The following SCRN3 variants were observed in gnomAD, a reference collection of about 807,000 sequenced individuals.
The protein encoded by SCRN3 is secernin-3.
Under a neutral mutation model 43.1 loss-of-function variants are expected in SCRN3, and 39 were observed. That is an observed-to-expected ratio of 0.91 (90% confidence interval 0.70 to 1.18). SCRN3 has a LOEUF of 1.18. SCRN3 is among the 50% of genes most tolerant of loss of function. The probability of loss-of-function intolerance (pLI) is 0.00; values close to 1 mark genes in which losing one functional copy is unlikely to be tolerated. For synonymous variants in SCRN3, 147 were observed against 163.1 expected, an observed-to-expected ratio of 0.90 and a Z score of 0.75; for missense variants, 484 against 498.0, an observed-to-expected ratio of 0.97 and a Z score of 0.27.
At chr2:174,411,901 T>G (rs13033544) in intron 5 of SCRN3, among the ~76,000 whole-genome samples, 31,148 of 152,130 alleles carry the variant, frequency 0.2, 3,557 homozygotes, top group Middle Eastern at 0.37. Context: ...AGCCTGGGTG[T>G]CAGAGCCAGG....
intron 1 of SCRN3, 48 bp downstream of exon 1, chr2:174,395,865 C>A (rs1190484319): frequency 4.8e-6 from 7 of 1,453,882 alleles, no homozygotes; most frequent in Non-Finnish European, 5.4e-6. Context: ...AGACAGAAAC[C>A]CGGAAGACCC....
At chr2:174,396,138 C>T in intron 1 of SCRN3, 1 of 917,166 alleles carries the variant, frequency 1.1e-6, no homozygotes, top group Non-Finnish European at 1.4e-6. Context: ...TATGATGTTT[C>T]TGAAAGCGCC....
intron 3 of SCRN3, among the ~76,000 whole-genome samples, chr2:174,400,758 C>T (rs1685480674): frequency 6.6e-6 from 1 of 152,130 alleles, no homozygotes; most frequent in Non-Finnish European, 1.5e-5. Flanking sequence ...GATAAAGTAA[C>T]TTGACAGTGA....
At position 174,403,085 on chromosome 2, in the gene SCRN3, T is replaced by TA. The variant is rs35095233; in HGVS notation, c.542-1005dup. 2.2e-3 allele frequency among the ~76,000 whole-genome samples: 222 copies of TA among 103,108 alleles called. 2 individuals carry two copies. In the Middle Eastern group the frequency reaches 0.037, roughly 17 times the overall value. The allele number at this position is 103,108 out of a possible 152,430, so 67.6% of individuals were successfully genotyped here. On this transcript the variant is annotated intron_variant, in intron 4 of 7. Transcript: ENST00000272732. ...ATAAAGAGCAGTCAAAACTCAGTAG[T>TA]AAAAAAAAAAAAATCCAGTTAGAAA...
At chr2:174,421,227 T>C (rs1320563515) in intron 5 of SCRN3, among the ~76,000 whole-genome samples, 1 of 152,128 alleles carries the variant, frequency 6.6e-6, no homozygotes, top group African/African-American at 2.4e-5. Context: ...GTGAAAAATA[T>C]CCTCTAAAAA....
At chr2:174,406,524 C>T (rs1177314718) in intron 5 of SCRN3, among the ~76,000 whole-genome samples, 1 of 149,588 alleles carries the variant, frequency 6.7e-6, no homozygotes, top group Non-Finnish European at 1.5e-5. Context: ...AGAGGGCATC[C>T]CTGTCTTGTG....
chr2:174,427,865 GTCAAATTTATC>G lies in SCRN3; in HGVS notation c.1246_1256del (p.Asn417GlnfsTer3). The G allele has an allele frequency of 3.8e-6, 3 of 787,694 alleles. No homozygotes were observed. Among genetic ancestry groups the G allele is most frequent in the Non-Finnish European group, 5.6e-6 (3 of 539,992 alleles). 48.8% of individuals were successfully genotyped at this position (787,694 alleles called of 1,614,324 possible). ...CAAAAGATGAAATTCAAATTTATCA[GTCAAATTTATC>G]AGTCAAAGTTAGTTCTTAGTGATCA... is the stretch of plus-strand genomic sequence containing the variant. On this transcript the variant is annotated frameshift_variant, in exon 8 of 8. Coordinates refer to ENST00000272732, the MANE Select transcript of SCRN3 (RefSeq NM_024583.5). LOFTEE classifies it high-confidence loss of function.
intron 1 of SCRN3, chr2:174,397,276 G>GT (rs1476656586): frequency 1.0e-6 from 1 of 984,592 alleles, no homozygotes; most frequent in African/African-American, 1.8e-5. Flanking sequence ...CCATTTTAAG[G>GT]TTTTGCCATT....
Position 174,404,100 on chromosome 2 carries a change from T to C in SCRN3, c.542-3T>C. On this transcript the variant is annotated splice_region_variant and splice_polypyrimidine_tract_variant and intron_variant, in intron 4 of 7. Transcript: ENST00000272732. ...CCTTTCTCCTCTTCTTCTTTGAAAATAGAGGGAGTTCGTAATATTTCTAAT... is the reference window on the plus strand; with the variant it reads ...CCTTTCTCCTCTTCTTCTTTGAAAACAGAGGGAGTTCGTAATATTTCTAAT... 6.2e-7 allele frequency: 1 copy of C among 1,608,580 alleles called. No homozygotes were observed. The highest frequency in any genetic ancestry group is 1.1e-5 in the South Asian group (1 of 90,924).
At chr2:174,414,800 G>T (rs1319306778) in intron 5 of SCRN3, among the ~76,000 whole-genome samples, 14 of 122,872 alleles carry the variant, frequency 1.1e-4, no homozygotes, top group African/African-American at 4.1e-4. Context: ...GTCTTGCTGT[G>T]TCCCCCAGGC....
At chr2:174,424,968 C>T (rs1158037855) in intron 7 of SCRN3, among the ~76,000 whole-genome samples, 1 of 152,024 alleles carries the variant, frequency 6.6e-6, no homozygotes, top group East Asian at 1.9e-4. Flanking sequence ...ATTTTGATTC[C>T]CACTTTGCTG....
chr2:174,401,241 C>A (rs747881282), intron 4 of SCRN3, 52 bp downstream of exon 4: 5 of 1,358,792 alleles, frequency 3.7e-6, no homozygotes, highest in Admixed American at 1.7e-5. Flanking sequence ...ATAAAATACA[C>A]CCTTACCTAT....
chr2:174,420,044 C>T (rs1219420783), intron 5 of SCRN3, among the ~76,000 whole-genome samples: 1 of 152,112 alleles, frequency 6.6e-6, no homozygotes, highest in East Asian at 1.9e-4. Flanking sequence ...ATTGAGAAGA[C>T]CTTGACTTTC....
chr2:174,405,606 C>A (rs1685666710), intron 5 of SCRN3, among the ~76,000 whole-genome samples: 1 of 141,876 alleles, frequency 7.0e-6, no homozygotes, highest in South Asian at 2.2e-4. Context: ...AAGTTTAAGT[C>A]TTTAATCCAT....
chr2:174,396,114 C>A (rs1397160126), intron 1 of SCRN3: 2 of 998,744 alleles, frequency 2.0e-6, no homozygotes, highest in Non-Finnish European at 2.6e-6. Context: ...AGTATGCTTG[C>A]GAGAATCCAA....
intron 5 of SCRN3, among the ~76,000 whole-genome samples, chr2:174,404,641 A>G (rs1685629496): frequency 8.7e-6 from 1 of 115,372 alleles, no homozygotes; most frequent in Non-Finnish European, 1.8e-5. Context: ...AGAGTGTGAT[A>G]TTCCCCTTCC....
intron 5 of SCRN3, among the ~76,000 whole-genome samples, chr2:174,409,718 G>A (rs1398015480): frequency 7.0e-6 from 1 of 142,674 alleles, no homozygotes; most frequent in Non-Finnish European, 1.6e-5. Context: ...ATACCCTGCC[G>A]TGTGAGGTGT....
intron 4 of SCRN3, among the ~76,000 whole-genome samples, chr2:174,402,660 G>A (rs770006870): frequency 6.6e-6 from 1 of 152,134 alleles, no homozygotes; most frequent in Non-Finnish European, 1.5e-5. Flanking sequence ...CTGTACTCTA[G>A]CCTGGGCGAG....
intron 5 of SCRN3, among the ~76,000 whole-genome samples, chr2:174,412,473 ACT>A (rs944137097): frequency 2.0e-5 from 3 of 150,870 alleles, no homozygotes; most frequent in African/African-American, 7.3e-5. Flanking sequence ...GGCATCTAAA[ACT>A]CTGAAGGAAG....
Sources: allele counts gnomAD v4.1 joint callset (sites outside exome capture counted in the v4.1 genomes callset), GRCh38; gene constraint gnomAD v4.1.1; transcripts MANE v1.5; gene names NCBI Gene and HGNC (gene_info 2026-07-23, HGNC 2026-07-21).